Variants in PGGT1B observed in about 807,000 individuals in gnomAD.
The protein encoded by PGGT1B is geranylgeranyl transferase type-1 subunit beta.
PGGT1B carries 30 observed loss-of-function variants against 46.1 expected under a neutral mutation model. That is an observed-to-expected ratio of 0.65 (90% CI 0.49 to 0.88). The LOEUF (loss-of-function observed/expected upper bound fraction) is 0.88. PGGT1B is among the 40% of genes least tolerant of loss of function. The pLI is 0.00. For missense variants in PGGT1B, 376 were observed against 455.9 expected (o/e 0.82, Z 1.60); for synonymous variants, 170 against 160.0 (o/e 1.06, Z -0.47).
intron 6 of PGGT1B, among the ~76,000 whole-genome samples, chr5:115,224,425 C>T (rs549612617): frequency 6.6e-6 from 1 of 152,340 alleles, no homozygotes; most frequent in Admixed American, 6.5e-5. Flanking sequence ...AACATAGTAA[C>T]TCCAGAAGTA....
At chr5:115,237,332 A>G (rs1757214875) in intron 4 of PGGT1B, among the ~76,000 whole-genome samples, 4 of 151,954 alleles carry the variant, frequency 2.6e-5, no homozygotes, top group Non-Finnish European at 5.9e-5. Context: ...CAGACTTAAA[A>G]TTTTTTTTCT....
Position 115,212,567 on chromosome 5 carries a change from G to A in PGGT1B, c.969C>T (p.Tyr323=). 1 of 1,609,144 alleles carries A rather than the reference G, an allele frequency of 6.2e-7. No homozygotes were observed. Among genetic ancestry groups the A allele is most frequent in the South Asian group, 1.1e-5 (1 of 90,472 alleles). The change falls in exon 9 of 9, where the codon TAC becomes TAT. Residue 323 remains tyrosine, a synonymous_variant. Transcript: ENST00000419445. ...TTAGTGACAGGCCACAGATCCCAAA[G>A]TATGCATGCAAAGCATCTGAAAAGA... ...PDSHPDALHA[Y]FGICGLSLME...
intron 1 of PGGT1B, among the ~76,000 whole-genome samples, chr5:115,254,766 A>G (rs937944756): frequency 3.9e-5 from 6 of 152,138 alleles, no homozygotes; most frequent in Non-Finnish European, 8.8e-5. Context: ...TCAGAAATAA[A>G]TATTTGGGAA....
At chr5:115,262,492 G>A (rs1748603657) in intron 1 of PGGT1B, 4 of 516,746 alleles carry the variant, frequency 7.7e-6, no homozygotes, top group African/African-American at 5.9e-5. Flanking sequence ...TGAAAAAGCC[G>A]GAAACTGGAG....
chr5:115,214,950 G>A (rs1211420888), intron 8 of PGGT1B, among the ~76,000 whole-genome samples: 1 of 152,106 alleles, frequency 6.6e-6, no homozygotes, highest in Non-Finnish European at 1.5e-5. Flanking sequence ...ACACACTTTG[G>A]CTTACGACTT....
intron 5 of PGGT1B, chr5:115,231,825 C>T (rs1032723395): frequency 6.6e-6 from 1 of 152,096 alleles, no homozygotes; most frequent in African/African-American, 2.4e-5. Flanking sequence ...ACACAACAAA[C>T]TTCAGTAACC....
chr5:115,244,550 A>T (rs1270968359), intron 2 of PGGT1B, among the ~76,000 whole-genome samples: 2 of 151,872 alleles, frequency 1.3e-5, no homozygotes, highest in Non-Finnish European at 2.9e-5. Context: ...TACTTAAAAA[A>T]AAAATAAAAA....
At chr5:115,262,691 G>A (rs984757241) in intron 1 of PGGT1B, 21 bp downstream of exon 1, 14 of 1,592,032 alleles carry the variant, frequency 8.8e-6, no homozygotes, top group African/African-American at 1.3e-5. Context: ...TGCCAGCCTG[G>A]CTGACTGTGC....
At chr5:115,218,487 T>C (rs2008091397) in intron 7 of PGGT1B, among the ~76,000 whole-genome samples, 1 of 100,838 alleles carries the variant, frequency 9.9e-6, no homozygotes, top group African/African-American at 4.5e-5. Context: ...TTCACAATGA[T>C]TCTCAAAAAA....
chr5:115,262,397 T>C, intron 1 of PGGT1B: 2 of 349,700 alleles, frequency 5.7e-6, no homozygotes, highest in Non-Finnish European at 1.1e-5. Flanking sequence ...TCCTTTTCCT[T>C]TTACACTCGG....
chr5:115,255,922 A>G (rs535416925), intron 1 of PGGT1B, among the ~76,000 whole-genome samples: 1 of 152,326 alleles, frequency 6.6e-6, no homozygotes, highest in South Asian at 2.1e-4. Context: ...ACTGCTCATT[A>G]GAATCTGCTT....
chr5:115,255,556 A>C (rs73257425), intron 1 of PGGT1B, among the ~76,000 whole-genome samples: 2,041 of 152,296 alleles, frequency 0.013, 48 homozygotes, highest in African/African-American at 0.046. Flanking sequence ...AATACAGTTT[A>C]TTAAAGCGTT....
rs369012435 is a variant in PGGT1B at position 115,212,944 on chromosome 5, C to T, written c.953-361G>A. Among the ~76,000 whole-genome samples, 10 of 152,188 alleles carry T rather than the reference C, an allele frequency of 6.6e-5. No homozygotes were observed. In the East Asian group the frequency reaches 9.7e-4, roughly 15 times the overall value. Reference sequence around the variant, plus strand: ...TCTTGCTTACTAGAGAACATGAAAACGAGTAGCTTCAATGCTATATCATTA... The same window carrying T: ...TCTTGCTTACTAGAGAACATGAAAATGAGTAGCTTCAATGCTATATCATTA... On this transcript the variant is annotated intron_variant, in intron 8 of 8. Coordinates refer to ENST00000419445, the MANE Select transcript of PGGT1B (RefSeq NM_005023.4).
At chr5:115,238,499 C>A (rs191462493) in intron 3 of PGGT1B, among the ~76,000 whole-genome samples, 5 of 151,244 alleles carry the variant, frequency 3.3e-5, no homozygotes, top group Non-Finnish European at 5.9e-5. Context: ...AACTTAATCA[C>A]GCTATCACTT....
At chr5:115,214,276 A>G (rs1326111392) in intron 8 of PGGT1B, among the ~76,000 whole-genome samples, 2 of 151,850 alleles carry the variant, frequency 1.3e-5, no homozygotes, top group African/African-American at 2.4e-5. Flanking sequence ...TCAGAACTCA[A>G]TTGTTTGAAG....
At chr5:115,251,743 G>C (rs1748110625) in intron 2 of PGGT1B, among the ~76,000 whole-genome samples, 2 of 151,908 alleles carry the variant, frequency 1.3e-5, no homozygotes, top group South Asian at 4.2e-4. Context: ...TTAGGGAATA[G>C]CTTTCGTATG....
At chr5:115,237,747 G>A in intron 4 of PGGT1B, 111 bp downstream of exon 4, 1 of 800,344 alleles carries the variant, frequency 1.2e-6, no homozygotes, top group Non-Finnish European at 1.9e-6. Flanking sequence ...GCTTTAGGTG[G>A]GGTTCTAATA....
chr5:115,217,661 T>G (rs970943358), intron 7 of PGGT1B, among the ~76,000 whole-genome samples: 10 of 152,128 alleles, frequency 6.6e-5, no homozygotes, highest in Middle Eastern at 3.4e-3. Context: ...ATTTAATATA[T>G]GTTAATGAAC....
intron 6 of PGGT1B, among the ~76,000 whole-genome samples, chr5:115,225,430 A>G (rs1412228535): frequency 6.6e-6 from 1 of 152,202 alleles, no homozygotes; most frequent in African/African-American, 2.4e-5. Context: ...ATATTTTAAC[A>G]GTGTAACAGT....
Sources: gnomAD v4.1 joint callset for allele counts (sites outside exome capture counted in the v4.1 genomes callset) on GRCh38, gnomAD v4.1.1 for gene constraint, MANE v1.5 for transcripts, NCBI Gene and HGNC (gene_info 2026-07-23, HGNC 2026-07-21) for gene names.